Variants in C5orf58 observed in about 807,000 individuals in gnomAD.
C5orf58 encodes putative uncharacterized protein C5orf58.
A neutral mutation model predicts 2.9 loss-of-function variants in C5orf58; 2 were observed. That is an observed-to-expected ratio of 0.69 (90% CI 0.28 to 2.18). The LOEUF (loss-of-function observed/expected upper bound fraction) is 2.18. C5orf58 is among the 30% of genes most tolerant of loss of function. The pLI is 0.13. For missense variants in C5orf58, 96 were observed against 91.7 expected (o/e 1.05, Z -0.19); for synonymous variants, 37 against 33.4 (o/e 1.11, Z -0.37).
chr5:170,244,447 G>A (rs1159996714), intron 3 of C5orf58, among the ~76,000 whole-genome samples: 18 of 147,348 alleles, frequency 1.2e-4, no homozygotes, highest in African/African-American at 4.5e-4. Flanking sequence ...TTTTCACATA[G>A]TCCCATATTT....
At position 170,244,823 on chromosome 5, in the gene C5orf58, G is replaced by A. The variant is rs946829503; in HGVS notation, c.95-1139G>A. On this transcript the variant is annotated intron_variant, in intron 3 of 3. Transcript: ENST00000593851. ...TCCAGCTTTGTTCTGTTGCTGGTGAGGAACTGTGTTCCTTTGGAGGAGGAG... is the reference window on the plus strand; with the variant it reads ...TCCAGCTTTGTTCTGTTGCTGGTGAAGAACTGTGTTCCTTTGGAGGAGGAG... Among the ~76,000 whole-genome samples the A allele has an allele frequency of 2.0e-5, 3 of 152,198 alleles. No homozygotes were observed. The East Asian group carries it at 5.8e-4, about 29-fold the overall frequency.
chr5:170,239,457 CA>C (rs1463215202), intron 3 of C5orf58, among the ~76,000 whole-genome samples: 6 of 149,972 alleles, frequency 4.0e-5, no homozygotes, highest in Non-Finnish European at 8.9e-5. Flanking sequence ...ACCACCCCAC[CA>C]CTCCCCACAA....
At chr5:170,249,046 G>A (rs1230446956), downstream of C5orf58, among the ~76,000 whole-genome samples, 1 of 152,170 alleles carries the variant, frequency 6.6e-6, no homozygotes, top group Non-Finnish European at 1.5e-5. Context: ...TATGGGCCGG[G>A]TGCAGTAATT....
At chr5:170,245,661 C>T (rs1235345501) in intron 3 of C5orf58, among the ~76,000 whole-genome samples, 4 of 152,206 alleles carry the variant, frequency 2.6e-5, no homozygotes, top group African/African-American at 7.2e-5. Flanking sequence ...CACTGACCTG[C>T]GCCCACTGTC....
downstream of C5orf58, among the ~76,000 whole-genome samples, chr5:170,249,903 A>T (rs967039384): frequency 1.3e-5 from 2 of 152,232 alleles, no homozygotes; most frequent in African/African-American, 4.8e-5. Flanking sequence ...CACTGGACCA[A>T]GATAAATCTT....
At chr5:170,239,661 A>C (rs554921929) in intron 3 of C5orf58, among the ~76,000 whole-genome samples, 2 of 152,338 alleles carry the variant, frequency 1.3e-5, no homozygotes, top group East Asian at 1.9e-4. Flanking sequence ...AAACCATATA[A>C]ATCAAATTTG....
chr5:170,237,880 A>G (rs1167664467), intron 3 of C5orf58, among the ~76,000 whole-genome samples: 3 of 152,176 alleles, frequency 2.0e-5, no homozygotes, highest in Non-Finnish European at 4.4e-5. Flanking sequence ...TACTTACAAA[A>G]TTACAAGACC....
At chr5:170,249,694 T>C (rs1208221618), downstream of C5orf58, among the ~76,000 whole-genome samples, 1 of 152,118 alleles carries the variant, frequency 6.6e-6, no homozygotes, top group Non-Finnish European at 1.5e-5. Flanking sequence ...CAGCAACCAA[T>C]ATTTGCAGCC....
downstream of C5orf58, among the ~76,000 whole-genome samples, chr5:170,249,099 A>T (rs1421915975): frequency 6.6e-6 from 1 of 152,308 alleles, no homozygotes; most frequent in East Asian, 1.9e-4. Flanking sequence ...AGGCCGGTGG[A>T]TCACCTGAGG....
chr5:170,235,002 A>G lies in C5orf58; in HGVS notation c.26A>G (p.His9Arg), dbSNP rs1760682399. The stretch of plus-strand genomic sequence containing the variant: ...ATGGGTAAGAAGCGTGTTACTGATC[A>G]TAAGCTAAATGTGGACAAAGTAATT... MGKKRVTDHKLNVDKVIKN... is the reference protein window; with the variant it reads MGKKRVTDRKLNVDKVIKN... Residue 9 changes from histidine (H) to arginine (R), a missense_variant, in exon 3 of 4, where the codon CAT (histidine) becomes CGT (arginine). Coordinates refer to ENST00000593851, the MANE Select transcript of C5orf58 (RefSeq NM_001102609.3). The G allele has an allele frequency of 1.9e-6, 3 of 1,544,190 alleles. No individual in the cohort carries two copies. The highest frequency in any genetic ancestry group is 1.7e-4 in the Middle Eastern group (1 of 5,920).
Position 170,242,911 on chromosome 5 carries a change from A to C in C5orf58, c.95-3051A>C, listed in dbSNP as rs867411702. On this transcript the variant is annotated intron_variant, in intron 3 of 3. Transcript: ENST00000593851. ...ATCTTTCCTGCTTTCTCTTGTGGGC[A>C]TTTAGTGCTATAAATTTCCCTCTAC... Among the ~76,000 whole-genome samples, 369 of 143,256 alleles carry C rather than the reference A, an allele frequency of 2.6e-3. 1 individual carries two copies. Among genetic ancestry groups the C allele is most frequent in the Middle Eastern group, 7.4e-3 (2 of 272 alleles). 94.0% of individuals were successfully genotyped at this position (143,256 alleles called of 152,430 possible). A position where few individuals can be genotyped will look rare whatever the true frequency, so the allele number is the denominator to read the frequency against.
intron 3 of C5orf58, among the ~76,000 whole-genome samples, chr5:170,239,775 T>C (rs971150881): frequency 1.3e-5 from 2 of 151,354 alleles, no homozygotes; most frequent in Admixed American, 6.6e-5. Context: ...ACATAAATCT[T>C]ATTTTTTTTT....
downstream of C5orf58, among the ~76,000 whole-genome samples, chr5:170,249,021 TAGATAA>T (rs570445795): frequency 6.6e-6 from 1 of 152,066 alleles, no homozygotes; most frequent in Non-Finnish European, 1.5e-5. Flanking sequence ...CAACAAACCA[TAGATAA>T]AGATAAAATA....
intron 3 of C5orf58, among the ~76,000 whole-genome samples, chr5:170,240,520 T>C (rs1289334245): frequency 9.2e-5 from 14 of 152,038 alleles, no homozygotes; most frequent in Non-Finnish European, 1.8e-4. Context: ...ATTTCTCTGA[T>C]GGCCAGTGAT....
chr5:170,250,888 A>G (rs1211673525), downstream of C5orf58: 9 of 1,612,474 alleles, frequency 5.6e-6, no homozygotes, highest in Non-Finnish European at 6.8e-6. Flanking sequence ...GTGCCATCCT[A>G]AAAAGACAAA....
chr5:170,250,757 C>G (rs754665101), downstream of C5orf58: 15 of 1,613,504 alleles, frequency 9.3e-6, no homozygotes, highest in East Asian at 4.5e-5. Context: ...CAGTTCCCAA[C>G]AAGTAAACTT....
At chr5:170,239,528 T>TAA (rs796893069) in intron 3 of C5orf58, among the ~76,000 whole-genome samples, 1 of 145,946 alleles carries the variant, frequency 6.9e-6, no homozygotes, top group African/African-American at 2.5e-5. Context: ...AAGTGAGCTA[T>TAA]AAAAAAAAAA....
chr5:170,241,256 C>T (rs984059925), intron 3 of C5orf58, among the ~76,000 whole-genome samples: 22 of 152,126 alleles, frequency 1.4e-4, no homozygotes, highest in South Asian at 8.3e-4. Context: ...CTTGGTGATG[C>T]GGGCTCTTTT....
At chr5:170,246,811 G>A (rs1402724692), downstream of C5orf58, 1 of 152,236 alleles carries the variant, frequency 6.6e-6, no homozygotes, top group Non-Finnish European at 1.5e-5. Context: ...TAGAAGGTCT[G>A]TGGCCAAAAG....
Sources: gnomAD v4.1 joint callset for allele counts (sites outside exome capture counted in the v4.1 genomes callset) on GRCh38, gnomAD v4.1.1 for gene constraint, MANE v1.5 for transcripts, NCBI Gene and HGNC (gene_info 2026-07-23, HGNC 2026-07-21) for gene names.